The following MIGA1 variants were observed in gnomAD, a reference collection of about 807,000 sequenced individuals.
MIGA1 encodes the protein mitoguardin 1, also known as family with sequence similarity 73, member A.
Under a neutral mutation model 82.0 loss-of-function variants are expected in MIGA1, and 58 were observed. The observed-to-expected ratio is 0.71, with a 90% CI of 0.57 to 0.88. The LOEUF (loss-of-function observed/expected upper bound fraction) is 0.88. Among genes scored for constraint, MIGA1 ranks in the 40% least tolerant of loss-of-function variants. MIGA1 has a pLI of 0.00. For synonymous variants in MIGA1, 249 were observed against 253.6 expected (o/e 0.98, Z 0.17); for missense variants, 751 against 749.1 (o/e 1.00, Z -0.03).
chr1:77,804,622 A>T (rs1476171936), intron 4 of MIGA1, among the ~76,000 whole-genome samples: 1 of 143,888 alleles, frequency 6.9e-6, no homozygotes, highest in Non-Finnish European at 1.5e-5. Context: ...AACATTAACA[A>T]TTTTTTTTTT....
intron 7 of MIGA1, among the ~76,000 whole-genome samples, chr1:77,819,620 G>C (rs531061439): frequency 6.6e-6 from 1 of 151,950 alleles, no homozygotes; most frequent in African/African-American, 2.4e-5. Flanking sequence ...GTCTGGCTGT[G>C]TTGCCCAGGC....
intron 2 of MIGA1, among the ~76,000 whole-genome samples, chr1:77,785,721 G>T (rs1044282403): frequency 3.9e-5 from 6 of 152,226 alleles, no homozygotes; most frequent in Non-Finnish European, 7.3e-5. Flanking sequence ...GATGCAAGAG[G>T]TGGGTTCCCA....
intron 14 of MIGA1, among the ~76,000 whole-genome samples, chr1:77,869,622 TC>T (rs1685830684): frequency 1.7e-5 from 2 of 120,190 alleles, no homozygotes; most frequent in African/African-American, 6.0e-5. Context: ...GGCAGAGGGG[TC>T]CTCACTTCCC....
intron 7 of MIGA1, among the ~76,000 whole-genome samples, chr1:77,815,852 C>T (rs998610567): frequency 3.9e-5 from 6 of 152,194 alleles, no homozygotes; most frequent in African/African-American, 1.4e-4. Context: ...GCCTCAGCCT[C>T]CCAAGTAGCT....
At chr1:77,831,459 ATATT>A (rs1684241851) in intron 7 of MIGA1, among the ~76,000 whole-genome samples, 1 of 151,366 alleles carries the variant, frequency 6.6e-6, no homozygotes, top group South Asian at 2.1e-4. Flanking sequence ...ATAAAAATAT[ATATT>A]TATATATTTT....
intron 7 of MIGA1, among the ~76,000 whole-genome samples, chr1:77,837,786 A>G (rs1236614851): frequency 6.6e-6 from 1 of 152,190 alleles, no homozygotes; most frequent in Non-Finnish European, 1.5e-5. Flanking sequence ...GTAAGGTTGC[A>G]GAGCTGGAGA....
chr1:77,847,342 A>AT, intron 8 of MIGA1: 2 of 952,888 alleles, frequency 2.1e-6, no homozygotes, highest in South Asian at 1.3e-5. Flanking sequence ...GACAGTATTT[A>AT]TGATGAAATG....
intron 14 of MIGA1, among the ~76,000 whole-genome samples, chr1:77,869,961 G>A (rs1685872487): frequency 7.3e-6 from 1 of 136,564 alleles, no homozygotes; most frequent in Admixed American, 6.9e-5. Flanking sequence ...GCCGGGCGGG[G>A]GGCTGACCCC....
At chr1:77,819,609 G>T (rs1683722392) in intron 7 of MIGA1, among the ~76,000 whole-genome samples, 1 of 142,116 alleles carries the variant, frequency 7.0e-6, no homozygotes, top group Non-Finnish European at 1.5e-5. Context: ...TGAGAGAGAG[G>T]GTCTGGCTGT....
chr1:77,788,421 A>G (rs1682268769), intron 2 of MIGA1, among the ~76,000 whole-genome samples: 1 of 152,218 alleles, frequency 6.6e-6, no homozygotes, highest in Non-Finnish European at 1.5e-5. Flanking sequence ...TACAGGCATG[A>G]ACCACGGTGC....
chr1:77,845,666 T>A (rs907777239), intron 8 of MIGA1, among the ~76,000 whole-genome samples: 4 of 152,188 alleles, frequency 2.6e-5, no homozygotes, highest in Admixed American at 6.5e-5. Context: ...GTTAAATTAT[T>A]TTTAACTATA....
chr1:77,828,563 C>G (rs1159604285), intron 7 of MIGA1, among the ~76,000 whole-genome samples: 2 of 152,130 alleles, frequency 1.3e-5, no homozygotes, highest in African/African-American at 4.8e-5. Flanking sequence ...AAATTTAAAA[C>G]TAATTTTTTA....
intron 7 of MIGA1, among the ~76,000 whole-genome samples, chr1:77,824,768 C>CT (rs1683965306): frequency 6.6e-6 from 1 of 152,038 alleles, no homozygotes; most frequent in Non-Finnish European, 1.5e-5. Context: ...AAGAAAATAG[C>CT]TTTGCATTAG....
intron 2 of MIGA1, 85 bp downstream of exon 2, chr1:77,783,436 A>G (rs762572709): frequency 1.2e-5 from 9 of 741,192 alleles, no homozygotes; most frequent in Non-Finnish European, 1.7e-5. Context: ...GTTTTATTTG[A>G]GGTTTCTATA....
Position 77,859,396 on chromosome 1 carries a change from T to A in MIGA1, c.1188+10T>A. 1 of 1,607,998 alleles carries A rather than the reference T, an allele frequency of 6.2e-7. No individual in the cohort carries two copies. Among genetic ancestry groups the A allele is most frequent in the Non-Finnish European group, 8.5e-7 (1 of 1,174,542 alleles). ...TCGACAGGCTTTTCAGGTATTTTTT[T>A]AACATTAAGTGACTTCACCCAGCCA... is the stretch of plus-strand genomic sequence containing the variant. On this transcript the variant is annotated intron_variant, in intron 10 of 15. Coordinates refer to ENST00000370791, the MANE Select transcript of MIGA1 (RefSeq NM_198549.4).
At chr1:77,866,268 G>T (rs1259408783) in intron 13 of MIGA1, 70 bp from the exon 14 acceptor site, 2 of 1,453,794 alleles carry the variant, frequency 1.4e-6, no homozygotes, top group African/African-American at 1.4e-5. Context: ...CATAAACTTT[G>T]AATTTCTAAT....
At chr1:77,795,850 T>C (rs1682632434) in intron 2 of MIGA1, among the ~76,000 whole-genome samples, 1 of 151,770 alleles carries the variant, frequency 6.6e-6, no homozygotes, top group Non-Finnish European at 1.5e-5. Flanking sequence ...GCCAGGCCAG[T>C]CTGGAACTCC....
At chr1:77,852,574 T>G (rs899749042) in intron 8 of MIGA1, among the ~76,000 whole-genome samples, 1 of 152,284 alleles carries the variant, frequency 6.6e-6, no homozygotes, top group East Asian at 1.9e-4. Flanking sequence ...TATAATTTGG[T>G]GCTTAAGTTC....
chr1:77,859,937 T>A (rs41312643), intron 10 of MIGA1, 103 bp from the exon 11 acceptor site: 18,004 of 700,940 alleles, frequency 0.026, 313 homozygotes, highest in Middle Eastern at 0.076. Flanking sequence ...TAGCACCACA[T>A]GCAATGCATT....
Sources: allele counts gnomAD v4.1 joint callset (sites outside exome capture counted in the v4.1 genomes callset), GRCh38; gene constraint gnomAD v4.1.1; transcripts MANE v1.5; gene names NCBI Gene and HGNC (gene_info 2026-07-23, HGNC 2026-07-21).